RIC1: variants seen among roughly 807,000 people sequenced by gnomAD.
RIC1 encodes RIC1 partner of RAB6A GEF complex.
In RIC1, 88 loss-of-function variants were observed where a neutral mutation model predicts 169.0. The observed-to-expected ratio is 0.52, with a 90% CI of 0.44 to 0.62. RIC1 has a LOEUF of 0.62. Ranked by LOEUF, RIC1 falls within the 20% of genes least tolerant of loss-of-function variation. The probability of loss-of-function intolerance (pLI) is 0.00; values close to 1 mark genes in which losing one functional copy is unlikely to be tolerated. For missense variants in RIC1, 1,877 were observed against 1,725.5 expected (o/e 1.09, Z -1.56); for synonymous variants, 790 against 601.5 (o/e 1.31, Z -4.59).
At chr9:5,733,604 C>G (rs1824507891) in intron 7 of RIC1, among the ~76,000 whole-genome samples, 1 of 152,024 alleles carries the variant, frequency 6.6e-6, no homozygotes, top group African/African-American at 2.4e-5. Context: ...AAATCACTTT[C>G]ATTACACTCT....
At chr9:5,755,538 C>G (rs1157269664) in intron 15 of RIC1, among the ~76,000 whole-genome samples, 1 of 152,168 alleles carries the variant, frequency 6.6e-6, no homozygotes, top group Non-Finnish European at 1.5e-5. Context: ...ATAACTGAAA[C>G]TGTGAAGAGC....
At chr9:5,642,503 G>C (rs1818301671) in intron 1 of RIC1, among the ~76,000 whole-genome samples, 1 of 145,038 alleles carries the variant, frequency 6.9e-6, no homozygotes, top group Admixed American at 6.7e-5. Flanking sequence ...CAAACCCCAG[G>C]CCAGTCCAGA....
At position 5,772,677 on chromosome 9, in the gene RIC1, G is replaced by C; in HGVS notation, c.3730G>C (p.Glu1244Gln). ...CTCTACACTCAGTTTAACTCAGTCA[G>C]AGCTGGAGCACATTTCCATGGAGTT... is the stretch of plus-strand genomic sequence containing the variant. ...NFSTLSLTQSELEHISMELAS... is the reference protein window; with the variant it reads ...NFSTLSLTQSQLEHISMELAS... Residue 1244 changes from glutamate to glutamine, a missense_variant, in exon 24 of 26, where the codon GAG (glutamate) becomes CAG (glutamine). Physicochemically the swap from Glu to Gln is conservative, Grantham distance 29. Around this residue, in one of 3 missense-constraint regions of RIC1, gnomAD observed 681 missense variants for 582.0 expected, o/e 1.17. Transcript: ENST00000414202. The C allele has an allele frequency of 6.2e-7, 1 of 1,613,820 alleles. No individual in the cohort carries two copies. Among genetic ancestry groups the C allele is most frequent in the Non-Finnish European group, 8.5e-7 (1 of 1,179,916 alleles).
intron 1 of RIC1, among the ~76,000 whole-genome samples, chr9:5,644,519 C>G (rs1226101750): frequency 6.6e-6 from 1 of 152,166 alleles, no homozygotes; most frequent in Non-Finnish European, 1.5e-5. Flanking sequence ...TAAGTAACTT[C>G]TTATCCTTTA....
intron 2 of RIC1, among the ~76,000 whole-genome samples, chr9:5,679,577 T>G (rs1402483171): frequency 1.3e-5 from 2 of 152,212 alleles, no homozygotes; most frequent in Non-Finnish European, 2.9e-5. Flanking sequence ...GTTGGATTCC[T>G]AGGTATTTTA....
rs1286961807 is a variant in RIC1 at position 5,629,155 on chromosome 9, TCGGCC to T, written c.-144_-140del. The T allele has an allele frequency of 2.0e-5, 13 of 644,732 alleles. No individual in the cohort carries two copies. Among genetic ancestry groups the T allele is most frequent in the Admixed American group, 4.6e-5 (1 of 21,814 alleles). The allele number at this position is 644,732 out of a possible 1,614,324, so 39.9% of individuals were successfully genotyped here. ...GGTGCCTTCGTCGCGCAGCCTTGCG[TCGGCC>T]CGGCCCGGCCAGGCCAGCGGGCAGA... On this transcript the variant is annotated 5_prime_UTR_variant, in exon 1 of 26. Transcript: ENST00000414202.
chr9:5,715,511 G>A (rs1297923901), intron 4 of RIC1, among the ~76,000 whole-genome samples: 1 of 152,160 alleles, frequency 6.6e-6, no homozygotes, highest in Non-Finnish European at 1.5e-5. Context: ...ACACATAACT[G>A]CTGGAAATTT....
At chr9:5,746,468 A>T (rs181919740) in intron 11 of RIC1, among the ~76,000 whole-genome samples, 2 of 152,294 alleles carry the variant, frequency 1.3e-5, no homozygotes, top group African/African-American at 4.8e-5. Flanking sequence ...TATAAGTGTC[A>T]AATAAAGGTA....
chr9:5,638,257 G>C (rs558247345), intron 1 of RIC1, among the ~76,000 whole-genome samples: 7 of 152,238 alleles, frequency 4.6e-5, no homozygotes, highest in African/African-American at 1.7e-4. Context: ...CTTGTATTTT[G>C]TTGAGGGTTT....
intron 1 of RIC1, among the ~76,000 whole-genome samples, chr9:5,643,303 T>G (rs1818340897): frequency 6.6e-6 from 1 of 152,210 alleles, no homozygotes; most frequent in South Asian, 2.1e-4. Context: ...CTGCTTTTTC[T>G]TCTATGGCTT....
downstream of RIC1, among the ~76,000 whole-genome samples, chr9:5,778,475 G>GAGA (rs373923202): frequency 6.6e-5 from 10 of 152,166 alleles, no homozygotes; most frequent in African/African-American, 2.4e-4. Context: ...TGATCTTAGG[G>GAGA]AGAAGCTTTC....
chr9:5,725,692 A>C (rs936518325), intron 6 of RIC1, among the ~76,000 whole-genome samples: 5 of 151,966 alleles, frequency 3.3e-5, no homozygotes, highest in African/African-American at 1.2e-4. Context: ...TGTTGTGGGC[A>C]TTTAATCCTA....
At chr9:5,647,531 G>A (rs1818578305) in intron 1 of RIC1, among the ~76,000 whole-genome samples, 1 of 152,082 alleles carries the variant, frequency 6.6e-6, no homozygotes, top group South Asian at 2.1e-4. Context: ...TGCTTGGTTA[G>A]GTTTAGTCCT....
chr9:5,651,739 T>C (rs1818812506), intron 1 of RIC1, among the ~76,000 whole-genome samples: 1 of 142,838 alleles, frequency 7.0e-6, no homozygotes, highest in Non-Finnish European at 1.5e-5. Flanking sequence ...AATTTTTGTA[T>C]TTTTTTTTAT....
chr9:5,743,624 T>A (rs1452631625), intron 9 of RIC1, 65 bp from the exon 10 acceptor site: 2 of 1,280,146 alleles, frequency 1.6e-6, no homozygotes, highest in Non-Finnish European at 2.2e-6. Context: ...TAAAAAACAC[T>A]AAATTTTATG....
At chr9:5,706,628 C>CT (rs1822603752) in intron 3 of RIC1, among the ~76,000 whole-genome samples, 2 of 152,042 alleles carry the variant, frequency 1.3e-5, no homozygotes, top group South Asian at 2.1e-4. Context: ...AATTTCATTA[C>CT]TTATTATAGG....
At chr9:5,681,911 A>G (rs1273474718) in intron 2 of RIC1, among the ~76,000 whole-genome samples, 1 of 152,134 alleles carries the variant, frequency 6.6e-6, no homozygotes. Flanking sequence ...ACCATTATGT[A>G]ATGGCCTTCT....
chr9:5,725,870 G>C (rs576828268), intron 6 of RIC1, among the ~76,000 whole-genome samples: 1 of 152,300 alleles, frequency 6.6e-6, no homozygotes, highest in African/African-American at 2.4e-5. Flanking sequence ...GAGTGGTTTT[G>C]AGTGAGTTTC....
At chr9:5,638,170 C>G (rs1429558887) in intron 1 of RIC1, among the ~76,000 whole-genome samples, 2 of 152,140 alleles carry the variant, frequency 1.3e-5, no homozygotes. Context: ...ATATGTTGAA[C>G]CATCCTTGCA....
Sources: gnomAD v4.1 joint callset for allele counts (sites outside exome capture counted in the v4.1 genomes callset) on GRCh38, gnomAD v4.1.1 for gene constraint, gnomAD v4.1.1 regional missense constraint, MANE v1.5 for transcripts, NCBI Gene and HGNC (gene_info 2026-07-23, HGNC 2026-07-21) for gene names.